The following KALRN variants were observed in gnomAD, a reference collection of about 807,000 sequenced individuals.
The protein encoded by KALRN is kalirin.
A neutral mutation model predicts 353.7 loss-of-function variants in KALRN; 70 were observed. The ratio of observed to expected loss-of-function variants is 0.20; its 90% CI spans 0.16 to 0.24. KALRN has a LOEUF of 0.24. KALRN is among the 10% of genes least tolerant of loss of function. The pLI is 1.00. For synonymous variants in KALRN, 1,391 were observed against 1,434.8 expected, an observed-to-expected ratio of 0.97 and a Z score of 0.69; for missense variants, 2,791 against 3,756.7, an observed-to-expected ratio of 0.74 and a Z score of 6.72.
At chr3:124,045,194 G>A (rs1023600540) in intron 1 of KALRN, among the ~76,000 whole-genome samples, 1 of 152,212 alleles carries the variant, frequency 6.6e-6, no homozygotes. Context: ...AGGAGGAGGG[G>A]TCTGGGCTCC....
intron 51 of KALRN, among the ~76,000 whole-genome samples, chr3:124,689,569 C>G (rs928058698): frequency 1.3e-5 from 2 of 152,104 alleles, no homozygotes; most frequent in Non-Finnish European, 2.9e-5. Flanking sequence ...TGACTCCAAC[C>G]TGTTTCTAAG....
chr3:124,666,515 G>C lies in KALRN; in HGVS notation c.6412G>C (p.Gly2138Arg). Residue 2138 changes from glycine (G) to arginine (R), a missense_variant, in exon 46 of 60, where the codon GGC (glycine) becomes CGC (arginine). By Grantham distance (125) the Gly-to-Arg change is moderately radical (BLOSUM62 -2). Transcript: ENST00000682506. ...DTFYVIELDA[G>R]MQSRTKERRV... ...ATTCTATGTGATCGAGCTGGATGCAGGCATGCAGTCCCGGACCAAAGAGAG... is the reference window on the plus strand; with the variant it reads ...ATTCTATGTGATCGAGCTGGATGCACGCATGCAGTCCCGGACCAAAGAGAG... 6.2e-7 allele frequency: 1 copy of C among 1,614,022 alleles called. No individual in the cohort carries two copies. Among genetic ancestry groups the C allele is most frequent in the Non-Finnish European group, 8.5e-7 (1 of 1,179,888 alleles).
intron 14 of KALRN, among the ~76,000 whole-genome samples, chr3:124,415,310 A>G (rs1370484061): frequency 3.3e-5 from 5 of 152,364 alleles, no homozygotes; most frequent in African/African-American, 9.6e-5. Context: ...GGGTGATTCA[A>G]CTGTGTGGCC....
chr3:124,116,833 A>G (rs972594429), intron 1 of KALRN, among the ~76,000 whole-genome samples: 3 of 152,252 alleles, frequency 2.0e-5, no homozygotes, highest in Non-Finnish European at 4.4e-5. Context: ...ATATCTTATT[A>G]TATTGCATCA....
intron 33 of KALRN, among the ~76,000 whole-genome samples, chr3:124,561,988 G>A (rs1308015838): frequency 1.3e-5 from 2 of 152,198 alleles, no homozygotes; most frequent in African/African-American, 2.4e-5. Flanking sequence ...TCAGCCAGTA[G>A]GGGTTGTTCC....
chr3:124,322,676 AGTC>A (rs2079461740), intron 6 of KALRN, among the ~76,000 whole-genome samples: 1 of 152,246 alleles, frequency 6.6e-6, no homozygotes. Flanking sequence ...GGCCATGAAA[AGTC>A]GTTTATGCTT....
rs145430248 is a variant in KALRN, at chr3:124,694,587, C to T, written c.7577+84C>T. On this transcript the variant is annotated intron_variant, in intron 53 of 59. Transcript: ENST00000682506. ...GGCTGAATCTGGGGTGCAACTTCTG[C>T]TCTGGTGACTGGGCTCTGCAAGAGA... 309 of 1,328,396 alleles carry T rather than the reference C, an allele frequency of 2.3e-4. 2 individuals carry two copies. The African/African-American group carries it at 4.0e-3, about 17-fold the overall frequency. 82.3% of individuals were successfully genotyped at this position (1,328,396 alleles called of 1,614,324 possible).
intron 34 of KALRN, among the ~76,000 whole-genome samples, chr3:124,573,333 CA>C (rs1244577759): frequency 6.6e-6 from 1 of 152,180 alleles, no homozygotes; most frequent in Non-Finnish European, 1.5e-5. Context: ...GTAGACTTTG[CA>C]GTCCAGTTAT....
At chr3:124,107,018 A>G (rs1559965551) in intron 1 of KALRN, among the ~76,000 whole-genome samples, 1 of 152,164 alleles carries the variant, frequency 6.6e-6, no homozygotes. Context: ...TGCAAGTGGC[A>G]CTTCTTGGTT....
chr3:124,663,931 TG>T (rs1396709167), intron 45 of KALRN, among the ~76,000 whole-genome samples: 2 of 152,184 alleles, frequency 1.3e-5, no homozygotes, highest in Non-Finnish European at 2.9e-5. Flanking sequence ...GCCCATCCCA[TG>T]TGTCCCTGTC....
At chr3:124,265,390 T>A (rs1356482535) in intron 4 of KALRN, among the ~76,000 whole-genome samples, 1 of 147,186 alleles carries the variant, frequency 6.8e-6, no homozygotes, top group African/African-American at 2.5e-5. Flanking sequence ...CCTCCTGGGT[T>A]CAAGTGATTC....
intron 1 of KALRN, among the ~76,000 whole-genome samples, chr3:124,133,824 G>A (rs2065598349): frequency 6.6e-6 from 1 of 152,102 alleles, no homozygotes; most frequent in Non-Finnish European, 1.5e-5. Context: ...AACTAAAATG[G>A]CCTTTATCAA....
intron 12 of KALRN, 30 bp from the exon 13 acceptor site, chr3:124,398,667 C>A: frequency 6.2e-7 from 1 of 1,613,112 alleles, no homozygotes; most frequent in East Asian, 2.2e-5. Context: ...AAGGCCTCTC[C>A]CTCCCTTTTT....
intron 1 of KALRN, among the ~76,000 whole-genome samples, chr3:124,227,239 G>T (rs1482164402): frequency 6.6e-6 from 1 of 152,154 alleles, no homozygotes. Flanking sequence ...AACATAGAAA[G>T]GACTTTCTAA....
intron 1 of KALRN, among the ~76,000 whole-genome samples, chr3:124,087,156 G>T (rs562116355): frequency 6.6e-6 from 1 of 152,006 alleles, no homozygotes; most frequent in African/African-American, 2.4e-5. Context: ...AGTCTAAATG[G>T]TTGCAAATAA....
At chr3:124,446,092 G>A (rs1360848876) in intron 19 of KALRN, 69 bp from the exon 20 acceptor site, 2 of 956,482 alleles carry the variant, frequency 2.1e-6, no homozygotes, top group Non-Finnish European at 3.3e-6. Flanking sequence ...CCTGGGCCGT[G>A]GGGCTGAAGG....
At chr3:124,479,925 G>C (rs1339617078) in intron 27 of KALRN, among the ~76,000 whole-genome samples, 2 of 151,888 alleles carry the variant, frequency 1.3e-5, no homozygotes, top group Admixed American at 1.3e-4. Flanking sequence ...GGGTTTCACC[G>C]TGTTAGCCAG....
intron 57 of KALRN, among the ~76,000 whole-genome samples, chr3:124,702,354 C>T (rs1051663635): frequency 9.9e-5 from 15 of 152,032 alleles, no homozygotes; most frequent in Non-Finnish European, 4.4e-5. Context: ...AAATTAAGGC[C>T]CAAAATTTTC....
intron 1 of KALRN, among the ~76,000 whole-genome samples, chr3:124,051,913 T>C (rs2041080554): frequency 6.6e-6 from 1 of 152,250 alleles, no homozygotes; most frequent in African/African-American, 2.4e-5. Context: ...GGAAGAACAG[T>C]TGTTACTGCC....
Sources: gnomAD v4.1 joint callset for allele counts (sites outside exome capture counted in the v4.1 genomes callset) on GRCh38, gnomAD v4.1.1 for gene constraint, MANE v1.5 for transcripts, NCBI Gene and HGNC (gene_info 2026-07-23, HGNC 2026-07-21) for gene names.